PTPRD: variants seen among roughly 807,000 people sequenced by gnomAD.
PTPRD encodes the protein protein tyrosine phosphatase receptor type D, also known as receptor-type tyrosine-protein phosphatase delta.
PTPRD carries 34 observed loss-of-function variants against 214.5 expected under a neutral mutation model. That is an observed-to-expected ratio of 0.16 (90% CI 0.12 to 0.21). The LOEUF (loss-of-function observed/expected upper bound fraction) is 0.21. Among genes scored for constraint, PTPRD ranks in the 10% least tolerant of loss-of-function variants. PTPRD has a pLI of 1.00. For synonymous variants in PTPRD, 1,128 were observed against 845.7 expected (o/e 1.33, Z -5.79); for missense variants, 2,545 against 2,398.7 (o/e 1.06, Z -1.27).
At chr9:10,568,540 C>A (rs1320051430) in intron 2 of PTPRD, among the ~76,000 whole-genome samples, 4 of 151,926 alleles carry the variant, frequency 2.6e-5, no homozygotes, top group Admixed American at 2.6e-4. Flanking sequence ...AGGAATCGCC[C>A]CACTGACTTC....
At chr9:9,420,113 T>TAAAG (rs58385870) in intron 8 of PTPRD, among the ~76,000 whole-genome samples, 130,753 of 151,186 alleles carry the variant, frequency 0.86, 56,644 homozygotes, top group Middle Eastern at 0.91. Flanking sequence ...GACACTATAA[T>TAAAG]ATTTATAAAA....
intron 11 of PTPRD, among the ~76,000 whole-genome samples, chr9:8,876,473 C>T (rs1032721118): frequency 1.3e-5 from 2 of 152,128 alleles, no homozygotes; most frequent in South Asian, 2.1e-4. Flanking sequence ...TGCCTATAAA[C>T]CTCCTTTGTA....
At chr9:10,008,584 G>C (rs2096535777) in intron 4 of PTPRD, among the ~76,000 whole-genome samples, 1 of 109,080 alleles carries the variant, frequency 9.2e-6, no homozygotes, top group African/African-American at 2.5e-5. Context: ...CCCATATCCT[G>C]TGAGCATATA....
chr9:9,574,445 T>G (rs971813227), intron 8 of PTPRD, among the ~76,000 whole-genome samples: 2 of 152,016 alleles, frequency 1.3e-5, no homozygotes, highest in Non-Finnish European at 2.9e-5. Context: ...ATAAAATTGT[T>G]ATTCATGTTC....
At chr9:9,974,674 TAC>T (rs2095286109) in intron 4 of PTPRD, among the ~76,000 whole-genome samples, 1 of 152,198 alleles carries the variant, frequency 6.6e-6, no homozygotes, top group Non-Finnish European at 1.5e-5. Context: ...AACACTTCCA[TAC>T]ACAGTTATGG....
intron 12 of PTPRD, among the ~76,000 whole-genome samples, chr9:8,703,007 T>C (rs536511306): frequency 1.3e-5 from 2 of 152,210 alleles, no homozygotes; most frequent in Non-Finnish European, 2.9e-5. Context: ...GAGAAGTTTG[T>C]ATTATTCATA....
At chr9:8,723,602 T>C (rs2154422898) in intron 12 of PTPRD, among the ~76,000 whole-genome samples, 1 of 152,344 alleles carries the variant, frequency 6.6e-6, no homozygotes, top group African/African-American at 2.4e-5. Flanking sequence ...AATGAAATGT[T>C]ACTGAAATTT....
intron 4 of PTPRD, among the ~76,000 whole-genome samples, chr9:10,004,595 A>G (rs2096425035): frequency 2.0e-5 from 3 of 151,872 alleles, no homozygotes; most frequent in Admixed American, 2.0e-4. Flanking sequence ...TTAAGGTGCC[A>G]TTTAGCTCTC....
chr9:9,725,914 G>A (rs74519524), intron 7 of PTPRD, among the ~76,000 whole-genome samples: 14 of 152,128 alleles, frequency 9.2e-5, no homozygotes, highest in East Asian at 7.7e-4. Flanking sequence ...CCAGCAGTAC[G>A]CATTGTTTAG....
rs377175175 is a variant in PTPRD at position 10,183,198 on chromosome 9, A to G, written c.-544-149408T>C. Reference sequence around the variant, plus strand: ...CCATTTTTTTAAAGAAACAATACACATTTTATCATCCATGAATGGAGAGGA... The same window carrying G: ...CCATTTTTTTAAAGAAACAATACACGTTTTATCATCCATGAATGGAGAGGA... On this transcript the variant is annotated intron_variant, in intron 3 of 45. Transcript: ENST00000381196. Among the ~76,000 whole-genome samples the G allele has an allele frequency of 2.7e-4, 41 of 152,258 alleles. 1 individual carries two copies. The Middle Eastern group carries it at 0.01, about 38-fold the overall frequency.
chr9:8,994,310 G>A (rs1250096462), intron 11 of PTPRD, among the ~76,000 whole-genome samples: 1 of 152,114 alleles, frequency 6.6e-6, no homozygotes, highest in Non-Finnish European at 1.5e-5. Context: ...ACTATGATGT[G>A]ATTTAGTTAG....
intron 7 of PTPRD, among the ~76,000 whole-genome samples, chr9:9,635,342 C>T (rs1010284778): frequency 1.3e-5 from 2 of 152,152 alleles, no homozygotes; most frequent in Admixed American, 1.3e-4. Context: ...GTATGTCCAA[C>T]TTAGAAGCTT....
chr9:10,429,272 T>C (rs1367603638), intron 2 of PTPRD, among the ~76,000 whole-genome samples: 1 of 151,854 alleles, frequency 6.6e-6, no homozygotes, highest in Non-Finnish European at 1.5e-5. Context: ...AAAAAAAGTA[T>C]GAAGAGTTCG....
At chr9:10,521,296 G>C (rs76269775) in intron 2 of PTPRD, among the ~76,000 whole-genome samples, 170 of 152,188 alleles carry the variant, frequency 1.1e-3, no homozygotes, top group African/African-American at 4.0e-3. Context: ...AAAAGAACTA[G>C]AATTAGAAAT....
intron 3 of PTPRD, among the ~76,000 whole-genome samples, chr9:10,223,741 C>T (rs2099579707): frequency 6.7e-6 from 1 of 148,598 alleles, no homozygotes; most frequent in African/African-American, 2.5e-5. Flanking sequence ...CACTGTATTC[C>T]ATTAAAACAA....
At chr9:10,511,860 G>GTC (rs1448295333) in intron 2 of PTPRD, among the ~76,000 whole-genome samples, 1 of 77,024 alleles carries the variant, frequency 1.3e-5, no homozygotes, top group Non-Finnish European at 2.8e-5. Context: ...ATCTGTGTGT[G>GTC]TGTGTGTGTG....
intron 3 of PTPRD, among the ~76,000 whole-genome samples, chr9:10,152,731 A>G (rs1412264436): frequency 1.3e-5 from 2 of 152,198 alleles, no homozygotes. Context: ...AGGCTGAGGC[A>G]GGAGAATAGC....
At chr9:10,254,832 C>T (rs1226326633) in intron 3 of PTPRD, among the ~76,000 whole-genome samples, 1 of 152,166 alleles carries the variant, frequency 6.6e-6, no homozygotes, top group Non-Finnish European at 1.5e-5. Context: ...TGGCGGGTGC[C>T]TGTCTCCCAG....
At chr9:8,597,939 T>A (rs1261162640) in intron 14 of PTPRD, among the ~76,000 whole-genome samples, 1 of 152,186 alleles carries the variant, frequency 6.6e-6, no homozygotes, top group Non-Finnish European at 1.5e-5. Context: ...AAAGGACTCA[T>A]CATCCTGAAG....
Sources: gnomAD v4.1 joint callset for allele counts (sites outside exome capture counted in the v4.1 genomes callset) on GRCh38, gnomAD v4.1.1 for gene constraint, MANE v1.5 for transcripts, NCBI Gene and HGNC (gene_info 2026-07-23, HGNC 2026-07-21) for gene names.